Variants in MAPRE2 observed in about 807,000 individuals in gnomAD.
MAPRE2 encodes the protein microtubule associated protein RP/EB family member 2, also known as microtubule-associated protein RP/EB family member 2.
Under a neutral mutation model 43.2 loss-of-function variants are expected in MAPRE2, and 13 were observed. The ratio of observed to expected loss-of-function variants is 0.30; its 90% CI spans 0.20 to 0.48. The LOEUF is 0.48. Ranked by LOEUF, MAPRE2 falls within the 20% of genes least tolerant of loss-of-function variation. The pLI, the probability that MAPRE2 is intolerant of heterozygous loss-of-function variation, is 0.99. For missense variants in MAPRE2, 161 were observed against 400.2 expected, an observed-to-expected ratio of 0.40 and a Z score of 5.10; for synonymous variants, 135 against 148.8, an observed-to-expected ratio of 0.91 and a Z score of 0.68.
intron 1 of MAPRE2, among the ~76,000 whole-genome samples, chr18:35,000,339 A>G (rs781463453): frequency 6.6e-6 from 1 of 152,242 alleles, no homozygotes. Flanking sequence ...AACACATAGC[A>G]ATGAAGAAAG....
At chr18:35,009,850 G>A (rs1215801690) in intron 2 of MAPRE2, among the ~76,000 whole-genome samples, 2 of 152,282 alleles carry the variant, frequency 1.3e-5, no homozygotes, top group East Asian at 3.9e-4. Flanking sequence ...ACATTCTTGA[G>A]TGAGGAGAGT....
chr18:35,095,216 A>T (rs1472029798), intron 2 of MAPRE2, among the ~76,000 whole-genome samples: 1 of 152,184 alleles, frequency 6.6e-6, no homozygotes, highest in Non-Finnish European at 1.5e-5. Context: ...AGCAAGATAT[A>T]AAAATAAGAA....
chr18:35,129,883 G>A (rs1910070263), intron 5 of MAPRE2, among the ~76,000 whole-genome samples: 1 of 152,208 alleles, frequency 6.6e-6, no homozygotes, highest in African/African-American at 2.4e-5. Flanking sequence ...GGCTGGCATT[G>A]GTCTTTGTGA....
chr18:35,000,351 A>T (rs2097028705), intron 1 of MAPRE2, among the ~76,000 whole-genome samples: 2 of 152,240 alleles, frequency 1.3e-5, no homozygotes, highest in Non-Finnish European at 2.9e-5. Flanking sequence ...TGAAGAAAGA[A>T]TGAAATCTTC....
chr18:35,001,038 A>G (rs953363327), intron 1 of MAPRE2, among the ~76,000 whole-genome samples: 2 of 152,168 alleles, frequency 1.3e-5, no homozygotes, highest in Non-Finnish European at 2.9e-5. Flanking sequence ...GGTGCAGTAC[A>G]TTGTGATTGT....
chr18:35,023,966 C>A (rs114782054), intron 2 of MAPRE2, among the ~76,000 whole-genome samples: 2,293 of 152,122 alleles, frequency 0.015, 53 homozygotes, highest in African/African-American at 0.052. Flanking sequence ...AATATGACAA[C>A]CTAAATTTGT....
intron 2 of MAPRE2, among the ~76,000 whole-genome samples, chr18:35,022,810 G>A (rs528652084): frequency 2.6e-5 from 4 of 152,296 alleles, no homozygotes; most frequent in Non-Finnish European, 4.4e-5. Flanking sequence ...AGGAAAGGCT[G>A]CAAGAAAACA....
chr18:35,128,905 C>T (rs569770067), intron 5 of MAPRE2, among the ~76,000 whole-genome samples: 38 of 152,290 alleles, frequency 2.5e-4, no homozygotes, highest in African/African-American at 8.9e-4. Flanking sequence ...CACTTCCCCT[C>T]CTTGGGGCTG....
chr18:35,107,285 T>C (rs981935352), intron 4 of MAPRE2, among the ~76,000 whole-genome samples: 3 of 152,190 alleles, frequency 2.0e-5, no homozygotes, highest in Non-Finnish European at 4.4e-5. Flanking sequence ...AATCCCTAAA[T>C]GTAGATTTGA....
intron 2 of MAPRE2, among the ~76,000 whole-genome samples, chr18:35,022,016 G>A (rs960295278): frequency 2.0e-5 from 3 of 152,166 alleles, no homozygotes; most frequent in Non-Finnish European, 4.4e-5. Context: ...CAATTCTGAA[G>A]CCTCAGAAGC....
chr18:35,091,456 T>TTTTGGA (rs1311741843), intron 2 of MAPRE2, among the ~76,000 whole-genome samples: 1 of 152,126 alleles, frequency 6.6e-6, no homozygotes, highest in Non-Finnish European at 1.5e-5. Flanking sequence ...GTCCAAAGCA[T>TTTTGGA]TTTGGATAAG....
At chr18:35,027,743 C>G (rs1031298806) in intron 2 of MAPRE2, among the ~76,000 whole-genome samples, 1 of 152,138 alleles carries the variant, frequency 6.6e-6, no homozygotes, top group Non-Finnish European at 1.5e-5. Flanking sequence ...TTAAAATAAC[C>G]ATTTGTCCTA....
intron 4 of MAPRE2, 90 bp downstream of exon 4, chr18:35,102,249 C>A: frequency 3.2e-6 from 3 of 923,098 alleles, no homozygotes; most frequent in Middle Eastern, 3.2e-4. Flanking sequence ...CTGACTGATT[C>A]TTCTCAACAG....
At chr18:35,039,909 G>A (rs1005155060), upstream of MAPRE2, among the ~76,000 whole-genome samples, 5 of 152,150 alleles carry the variant, frequency 3.3e-5, no homozygotes, top group African/African-American at 1.2e-4. Context: ...GATAAGCAAA[G>A]AATCCTTCAA....
chr18:35,059,184 G>A (rs1023115409), intron 1 of MAPRE2, among the ~76,000 whole-genome samples: 2 of 152,148 alleles, frequency 1.3e-5, no homozygotes, highest in South Asian at 4.1e-4. Context: ...AGACACATGT[G>A]CCCACATTTA....
At chr18:35,104,226 T>G (rs766631346) in intron 4 of MAPRE2, among the ~76,000 whole-genome samples, 8 of 152,118 alleles carry the variant, frequency 5.3e-5, no homozygotes, top group Non-Finnish European at 8.8e-5. Flanking sequence ...TGATTAATAG[T>G]CCCTCAGAGA....
chr18:35,108,346 C>T (rs1180999529), intron 4 of MAPRE2, among the ~76,000 whole-genome samples: 1 of 152,102 alleles, frequency 6.6e-6, no homozygotes, highest in Non-Finnish European at 1.5e-5. Flanking sequence ...ATATATGTAC[C>T]ACATTTTCTT....
rs1908706500 is a variant in MAPRE2, at chr18:35,102,113, C to T, written c.564C>T (p.Ile188=). The T allele has an allele frequency of 6.2e-7, 1 of 1,609,082 alleles. No homozygotes were observed. The highest frequency in any genetic ancestry group is 1.3e-5 in the African/African-American group (1 of 74,588). The change falls in exon 4 of 7, where the codon ATC becomes ATT. Residue 188 remains isoleucine (I), a synonymous_variant. Transcript: ENST00000300249. ...CTCCTCCTGACCCTGGTGAACAGATCTTCAACCTGCCAAAAAAGTCTCACC... is the reference window on the plus strand; with the variant it reads ...CTCCTCCTGACCCTGGTGAACAGATTTTCAACCTGCCAAAAAAGTCTCACC... The part of the protein sequence containing the change: ...AIPPPDPGEQ[I]FNLPKKSHHA...
At chr18:35,111,631 ATTCAAGGGGATC>A (rs1249028279) in intron 4 of MAPRE2, among the ~76,000 whole-genome samples, 1 of 152,226 alleles carries the variant, frequency 6.6e-6, no homozygotes, top group Non-Finnish European at 1.5e-5. Context: ...GTTAACTCCC[ATTCAAGGGGATC>A]TTCAAGGGGA....
Sources: gnomAD v4.1 joint callset for allele counts (sites outside exome capture counted in the v4.1 genomes callset) on GRCh38, gnomAD v4.1.1 for gene constraint, MANE v1.5 for transcripts, NCBI Gene and HGNC (gene_info 2026-07-23, HGNC 2026-07-21) for gene names.